The following KSR2 variants were observed in gnomAD, a reference collection of about 807,000 sequenced individuals.
The protein encoded by KSR2 is kinase suppressor of ras 2.
In KSR2, 25 loss-of-function variants were observed where a neutral mutation model predicts 107.8. The ratio of observed to expected loss-of-function variants is 0.23; its 90% confidence interval spans 0.17 to 0.32. The LOEUF (loss-of-function observed/expected upper bound fraction) is 0.32, where lower values mean the gene tolerates loss of function less well. KSR2 is among the 10% of genes least tolerant of loss of function. The pLI, the probability that KSR2 is intolerant of heterozygous loss-of-function variation, is 1.00. For missense variants in KSR2, 887 were observed against 1,268.9 expected, an observed-to-expected ratio of 0.70 and a Z score of 4.57; for synonymous variants, 480 against 507.0, an observed-to-expected ratio of 0.95 and a Z score of 0.71.
chr12:117,919,393 T>A (rs1261985716), intron 1 of KSR2, among the ~76,000 whole-genome samples: 1 of 152,160 alleles, frequency 6.6e-6, no homozygotes, highest in African/African-American at 2.4e-5. Context: ...GGATCATAGG[T>A]AAGAGAAGCA....
At chr12:117,786,256 C>T (rs1890070926) in intron 3 of KSR2, among the ~76,000 whole-genome samples, 1 of 152,016 alleles carries the variant, frequency 6.6e-6, no homozygotes, top group Non-Finnish European at 1.5e-5. Context: ...CCACTTTTTA[C>T]TAAGCAGGCA....
At chr12:117,849,010 C>T (rs538256501) in intron 3 of KSR2, among the ~76,000 whole-genome samples, 2 of 152,114 alleles carry the variant, frequency 1.3e-5, no homozygotes, top group Non-Finnish European at 2.9e-5. Context: ...CATAATATGT[C>T]GTATCCACAA....
At chr12:117,824,204 T>C (rs1473027153) in intron 3 of KSR2, among the ~76,000 whole-genome samples, 1 of 150,652 alleles carries the variant, frequency 6.6e-6, no homozygotes, top group Non-Finnish European at 1.5e-5. Context: ...AAAAAGTGGG[T>C]CTCATGAAGA....
chr12:117,730,973 T>C (rs1242320044), intron 4 of KSR2, among the ~76,000 whole-genome samples: 1 of 151,116 alleles, frequency 6.6e-6, no homozygotes, highest in African/African-American at 2.4e-5. Flanking sequence ...ACGTCCATCG[T>C]CTGGGATGTG....
intron 17 of KSR2, among the ~76,000 whole-genome samples, chr12:117,475,045 T>C (rs1104862): frequency 0.2 from 30,156 of 152,106 alleles, 3,234 homozygotes; most frequent in African/African-American, 0.26. Flanking sequence ...CATTCTCAGC[T>C]TTCATACCCA....
At chr12:117,586,907 GTGAATTT>G (rs1880035222) in intron 5 of KSR2, among the ~76,000 whole-genome samples, 1 of 152,210 alleles carries the variant, frequency 6.6e-6, no homozygotes, top group African/African-American at 2.4e-5. Context: ...ATTAATGGAA[GTGAATTT>G]CATCTCCCTT....
intron 14 of KSR2, among the ~76,000 whole-genome samples, chr12:117,495,776 C>T (rs375026717): frequency 2.0e-5 from 3 of 152,308 alleles, no homozygotes; most frequent in South Asian, 2.1e-4. Context: ...CAGAGGCGGC[C>T]GGGCGCAGTG....
At chr12:117,794,110 A>C (rs1189146147) in intron 3 of KSR2, among the ~76,000 whole-genome samples, 10 of 121,762 alleles carry the variant, frequency 8.2e-5, no homozygotes, top group African/African-American at 2.9e-4. Context: ...GCACACTCAC[A>C]CCAACATGCA....
At chr12:117,931,420 G>A (rs796584864) in intron 1 of KSR2, among the ~76,000 whole-genome samples, 11 of 152,248 alleles carry the variant, frequency 7.2e-5, no homozygotes, top group African/African-American at 2.2e-4. Context: ...ACCATGGCTC[G>A]GATTCAGGTC....
At chr12:117,865,969 A>T (rs932153633) in intron 1 of KSR2, among the ~76,000 whole-genome samples, 2 of 151,638 alleles carry the variant, frequency 1.3e-5, no homozygotes, top group Non-Finnish European at 2.9e-5. Flanking sequence ...TATCAAGGAG[A>T]TAGTCTCTGT....
chr12:117,853,647 T>C (rs1019796556), intron 3 of KSR2, among the ~76,000 whole-genome samples: 2 of 151,210 alleles, frequency 1.3e-5, no homozygotes, highest in Admixed American at 1.3e-4. Flanking sequence ...TAGCCTGCAA[T>C]TTTTTTTTAA....
At chr12:117,508,679 T>A (rs1249008716) in intron 14 of KSR2, among the ~76,000 whole-genome samples, 6 of 151,280 alleles carry the variant, frequency 4.0e-5, no homozygotes, top group Non-Finnish European at 1.5e-5. Flanking sequence ...ACAGGATGAA[T>A]GGGTAAATGG....
At chr12:117,494,795 C>T (rs1872934822) in intron 14 of KSR2, among the ~76,000 whole-genome samples, 2 of 152,106 alleles carry the variant, frequency 1.3e-5, no homozygotes, top group African/African-American at 4.8e-5. Context: ...AGCCAGGGTG[C>T]CCAGGGAAAG....
chr12:117,571,459 G>A (rs1373368129), intron 7 of KSR2, among the ~76,000 whole-genome samples: 1 of 152,140 alleles, frequency 6.6e-6, no homozygotes, highest in Admixed American at 6.5e-5. Context: ...GGTAGTCACT[G>A]GCTCTGAACC....
intron 5 of KSR2, among the ~76,000 whole-genome samples, chr12:117,597,359 G>A (rs1406467280): frequency 2.0e-5 from 3 of 152,164 alleles, no homozygotes; most frequent in African/African-American, 7.2e-5. Context: ...TGGCAAAAGG[G>A]ACTTTGAAGA....
At chr12:117,823,855 A>G (rs373967240) in intron 3 of KSR2, among the ~76,000 whole-genome samples, 5 of 152,180 alleles carry the variant, frequency 3.3e-5, no homozygotes, top group African/African-American at 1.2e-4. Context: ...TCCCCAAGAA[A>G]CTAAAAATAA....
At chr12:117,786,406 G>T (rs139523113) in intron 3 of KSR2, among the ~76,000 whole-genome samples, 196 of 152,138 alleles carry the variant, frequency 1.3e-3, no homozygotes, top group African/African-American at 4.5e-3. Flanking sequence ...ATGGGAGTTT[G>T]TTGTACAGAT....
At chr12:117,476,651 C>G in intron 16 of KSR2, 56 bp from the exon 17 acceptor site, 1 of 1,535,298 alleles carries the variant, frequency 6.5e-7, no homozygotes, top group South Asian at 1.2e-5. Flanking sequence ...TGGACCAGTC[C>G]CCCTGGCACT....
intron 3 of KSR2, among the ~76,000 whole-genome samples, chr12:117,840,868 G>A (rs1343457938): frequency 6.6e-6 from 1 of 152,110 alleles, no homozygotes; most frequent in African/African-American, 2.4e-5. Context: ...TGGGCATAGT[G>A]GTGGGTGCCT....
Sources: allele counts gnomAD v4.1 joint callset (sites outside exome capture counted in the v4.1 genomes callset), GRCh38; gene constraint gnomAD v4.1.1; transcripts MANE v1.5; gene names NCBI Gene and HGNC (gene_info 2026-07-23, HGNC 2026-07-21).